Variants in UNC5D observed in about 807,000 individuals in gnomAD.
The protein encoded by UNC5D is unc-5 netrin receptor D, also known as netrin receptor UNC5D.
Under a neutral mutation model 105.4 loss-of-function variants are expected in UNC5D, and 39 were observed. That is an observed-to-expected ratio of 0.37 (90% CI 0.29 to 0.48). The LOEUF (loss-of-function observed/expected upper bound fraction) is 0.48. Among genes scored for constraint, UNC5D ranks in the 20% least tolerant of loss-of-function variants. The pLI is 0.98. For missense variants in UNC5D, 991 were observed against 1,202.4 expected (o/e 0.82, Z 2.60); for synonymous variants, 452 against 450.4 (o/e 1.00, Z -0.04).
intron 1 of UNC5D, among the ~76,000 whole-genome samples, chr8:35,461,378 T>C (rs1442977271): frequency 1.3e-5 from 2 of 152,084 alleles, no homozygotes; most frequent in African/African-American, 4.8e-5. Flanking sequence ...GCTACACGCG[T>C]GTGAAAAAAG....
chr8:35,385,601 G>A (rs1408511699), intron 1 of UNC5D, among the ~76,000 whole-genome samples: 4 of 151,734 alleles, frequency 2.6e-5, no homozygotes, highest in Non-Finnish European at 4.4e-5. Context: ...GAATAGCTGG[G>A]ACTACAGGCA....
chr8:35,784,641 G>A (rs572887883), intron 16 of UNC5D, among the ~76,000 whole-genome samples: 39 of 152,094 alleles, frequency 2.6e-4, no homozygotes, highest in Admixed American at 5.9e-4. Flanking sequence ...CCTGCTACTC[G>A]GGAGGCTGAA....
At chr8:35,610,675 G>A (rs899039453) in intron 4 of UNC5D, among the ~76,000 whole-genome samples, 1 of 152,092 alleles carries the variant, frequency 6.6e-6, no homozygotes, top group African/African-American at 2.4e-5. Context: ...AGAACCGAGT[G>A]CAATCTCTAC....
chr8:35,422,363 C>A (rs1805970473), intron 1 of UNC5D, among the ~76,000 whole-genome samples: 1 of 152,168 alleles, frequency 6.6e-6, no homozygotes, highest in Non-Finnish European at 1.5e-5. Flanking sequence ...TTTTGCTGAG[C>A]CAAGTACATT....
At chr8:35,325,533 A>AGGGGAACT (rs1349418853) in intron 1 of UNC5D, among the ~76,000 whole-genome samples, 1 of 152,168 alleles carries the variant, frequency 6.6e-6, no homozygotes, top group African/African-American at 2.4e-5. Context: ...TGAGTCAAAG[A>AGGGGAACT]GGGGAACTTG....
rs370346185 is a variant in UNC5D at position 35,313,519 on chromosome 8, G to C, written c.103+77632G>C. Among the ~76,000 whole-genome samples, 6 of 152,306 alleles carry C rather than the reference G, an allele frequency of 3.9e-5. No individual in the cohort carries two copies. In the South Asian group the frequency reaches 6.2e-4, roughly 16 times the overall value. Reference sequence around the variant, plus strand: ...GAACAACCAACAACCTTTCAAGCCAGAGATAGGCAGACTCTTGATGGTCAT... The same window carrying C: ...GAACAACCAACAACCTTTCAAGCCACAGATAGGCAGACTCTTGATGGTCAT... On this transcript the variant is annotated intron_variant, in intron 1 of 16. Transcript: ENST00000404895.
rs537199835 is a variant in UNC5D, at chr8:35,256,811, T to A, written c.103+20924T>A. Among the ~76,000 whole-genome samples, 10 of 152,202 alleles carry A rather than the reference T, an allele frequency of 6.6e-5. No individual in the cohort carries two copies. The East Asian group carries it at 1.4e-3, about 21-fold the overall frequency. ...TTCTTTGGATATATTGGATATAATA[T>A]GCCTTTTAGACCCAGCTGTAGTTTG... On this transcript the variant is annotated intron_variant, in intron 1 of 16. Coordinates refer to ENST00000404895, the MANE Select transcript of UNC5D (RefSeq NM_080872.4).
At chr8:35,432,188 A>G (rs1310249912) in intron 1 of UNC5D, among the ~76,000 whole-genome samples, 1 of 152,152 alleles carries the variant, frequency 6.6e-6, no homozygotes, top group Non-Finnish European at 1.5e-5. Flanking sequence ...TGCCACTTAC[A>G]TCGTAATATT....
chr8:35,420,760 A>C (rs1401320392), intron 1 of UNC5D, among the ~76,000 whole-genome samples: 2 of 150,112 alleles, frequency 1.3e-5, no homozygotes, highest in African/African-American at 2.5e-5. Context: ...TTTGTTTCCT[A>C]GAGAGACTGC....
chr8:35,731,399 CAAA>C (rs57529561), intron 11 of UNC5D, among the ~76,000 whole-genome samples: 898 of 30,238 alleles, frequency 0.03, 1 homozygote, highest in African/African-American at 0.056. Flanking sequence ...ACTCTGTCTC[CAAA>C]AAAAAAAAAA....
Position 35,549,349 on chromosome 8 carries a change from C to G in UNC5D, c.161C>G (p.Pro54Arg). 1 of 1,613,558 alleles carries G rather than the reference C, an allele frequency of 6.2e-7. No individual in the cohort carries two copies. The highest frequency in any genetic ancestry group is 8.5e-7 in the Non-Finnish European group (1 of 1,180,034). The change falls in exon 2 of 17, where the codon CCT becomes CGT. Residue 54 changes from proline (P) to arginine (R), a missense_variant. Physicochemically the swap from Pro to Arg is moderately radical, Grantham distance 103. Transcript: ENST00000404895. ...ESIPSAPGTLPHFIEEPDDAY... is the reference protein window; with the variant it reads ...ESIPSAPGTLRHFIEEPDDAY... ...ATCCCATCAGCTCCTGGGACACTGCCTCATTTCATAGAGGAGCCAGATGAT... is the reference window on the plus strand; with the variant it reads ...ATCCCATCAGCTCCTGGGACACTGCGTCATTTCATAGAGGAGCCAGATGAT...
intron 1 of UNC5D, among the ~76,000 whole-genome samples, chr8:35,383,930 T>G (rs1367807621): frequency 1.3e-5 from 2 of 150,510 alleles, no homozygotes; most frequent in Non-Finnish European, 3.0e-5. Context: ...AAAATAAAAA[T>G]AAGAGGCTGG....
intron 1 of UNC5D, among the ~76,000 whole-genome samples, chr8:35,477,754 C>T (rs1385683361): frequency 6.6e-6 from 1 of 152,058 alleles, no homozygotes; most frequent in Non-Finnish European, 1.5e-5. Context: ...CACTAGTTAA[C>T]ACTCAGTGGT....
At chr8:35,627,740 G>C (rs1405318555) in intron 4 of UNC5D, among the ~76,000 whole-genome samples, 2 of 152,094 alleles carry the variant, frequency 1.3e-5, no homozygotes, top group Non-Finnish European at 2.9e-5. Flanking sequence ...ACCAGCCTGG[G>C]CAACATATTA....
intron 1 of UNC5D, among the ~76,000 whole-genome samples, chr8:35,503,790 A>G (rs1029564572): frequency 2.0e-5 from 3 of 152,158 alleles, no homozygotes; most frequent in Admixed American, 6.5e-5. Flanking sequence ...AAGAGTGTGT[A>G]TTAAAAGAGC....
chr8:35,478,471 C>T (rs934502060), intron 1 of UNC5D, among the ~76,000 whole-genome samples: 2 of 152,106 alleles, frequency 1.3e-5, no homozygotes, highest in Non-Finnish European at 2.9e-5. Context: ...AACATATAAG[C>T]AAATTTAGCT....
At chr8:35,342,645 G>A (rs907379685) in intron 1 of UNC5D, among the ~76,000 whole-genome samples, 2 of 152,050 alleles carry the variant, frequency 1.3e-5, no homozygotes, top group African/African-American at 4.8e-5. Context: ...AACCACACCA[G>A]CCTAAAGGAA....
At chr8:35,730,918 G>T in intron 10 of UNC5D, 94 bp from the exon 11 acceptor site, 1 of 1,069,222 alleles carries the variant, frequency 9.4e-7, no homozygotes. Flanking sequence ...TGAGAAAGTA[G>T]CTTGTTTTCC....
At chr8:35,440,126 G>A (rs184153028) in intron 1 of UNC5D, among the ~76,000 whole-genome samples, 17 of 152,104 alleles carry the variant, frequency 1.1e-4, no homozygotes, top group Admixed American at 2.6e-4. Flanking sequence ...GTATTGCCAG[G>A]CAGTAGCAAT....
Sources: allele counts gnomAD v4.1 joint callset (sites outside exome capture counted in the v4.1 genomes callset), GRCh38; gene constraint gnomAD v4.1.1; transcripts MANE v1.5; gene names NCBI Gene and HGNC (gene_info 2026-07-23, HGNC 2026-07-21).